Variants in HCN1 observed in about 807,000 individuals in gnomAD.
HCN1 encodes hyperpolarization activated cyclic nucleotide gated potassium channel 1.
HCN1 carries 13 observed loss-of-function variants against 78.9 expected under a neutral mutation model. The observed-to-expected ratio is 0.16, with a 90% CI of 0.11 to 0.26. HCN1 has a LOEUF of 0.26. Among genes scored for constraint, HCN1 ranks in the 10% least tolerant of loss-of-function variants. The pLI, the probability that HCN1 is intolerant of heterozygous loss-of-function variation, is 1.00. For missense variants in HCN1, 810 were observed against 1,154.3 expected (o/e 0.70, Z 4.32); for synonymous variants, 552 against 455.5 (o/e 1.21, Z -2.70).
Position 45,541,062 on chromosome 5 carries a change from A to T in HCN1, c.850-79055T>A, listed in dbSNP as rs949196174. Among the ~76,000 whole-genome samples, 7 of 152,178 alleles carry T rather than the reference A, an allele frequency of 4.6e-5. No individual in the cohort carries two copies. In the South Asian group the frequency reaches 8.3e-4, roughly 18 times the overall value. On this transcript the variant is annotated intron_variant, in intron 2 of 7. Coordinates refer to ENST00000303230, the MANE Select transcript of HCN1 (RefSeq NM_021072.4). The stretch of plus-strand genomic sequence containing the variant: ...CCACAAACTTATTTTAGCCATGCAG[A>T]AAAAAGAAAAAAAATATTAATCTAA...
chr5:45,287,155 C>T (rs1401802463), intron 6 of HCN1, among the ~76,000 whole-genome samples: 1 of 151,292 alleles, frequency 6.6e-6, no homozygotes, highest in Non-Finnish European at 1.5e-5. Context: ...GGGAAGAATT[C>T]TTATTTTCTG....
Position 45,310,412 on chromosome 5 carries a change from A to C in HCN1, c.1378-6573T>G, listed in dbSNP as rs1745826738. ...ACATGTGGCCAACAAGCATATGATA[A>C]AGAGATCAACATCACTGATCATTAA... On this transcript the variant is annotated intron_variant, in intron 5 of 7. Transcript: ENST00000303230. 2.0e-5 allele frequency among the ~76,000 whole-genome samples: 3 copies of C among 152,204 alleles called. No homozygotes were observed. The South Asian group carries it at 6.2e-4, about 31-fold the overall frequency.
chr5:45,284,413 T>G (rs1745229068), intron 6 of HCN1, among the ~76,000 whole-genome samples: 1 of 152,194 alleles, frequency 6.6e-6, no homozygotes, highest in Non-Finnish European at 1.5e-5. Flanking sequence ...TTATATAAAT[T>G]GCAGTAAAGA....
At chr5:45,285,539 T>G (rs980345359) in intron 6 of HCN1, among the ~76,000 whole-genome samples, 1 of 151,962 alleles carries the variant, frequency 6.6e-6, no homozygotes, top group Non-Finnish European at 1.5e-5. Context: ...CGCTTAAACA[T>G]TTTTTACTGT....
chr5:45,593,672 T>TTTTA (rs1744432709), intron 2 of HCN1, among the ~76,000 whole-genome samples: 1 of 85,624 alleles, frequency 1.2e-5, no homozygotes, highest in African/African-American at 3.9e-5. Flanking sequence ...TATTATTGAA[T>TTTTA]TTTATTTATT....
intron 5 of HCN1, among the ~76,000 whole-genome samples, chr5:45,334,579 T>C (rs1370931987): frequency 6.6e-6 from 1 of 151,972 alleles, no homozygotes; most frequent in South Asian, 2.1e-4. Context: ...TAGTAAGTAC[T>C]TCCTTTGAGA....
intron 6 of HCN1, among the ~76,000 whole-genome samples, chr5:45,275,632 T>C (rs778377546): frequency 8.5e-5 from 13 of 152,120 alleles, no homozygotes; most frequent in Non-Finnish European, 1.3e-4. Flanking sequence ...ATATAGAATA[T>C]ATATTTGTAC....
chr5:45,275,083 T>TA (rs1745029575), intron 6 of HCN1, among the ~76,000 whole-genome samples: 1 of 151,952 alleles, frequency 6.6e-6, no homozygotes, highest in Non-Finnish European at 1.5e-5. Context: ...CTGTCTCTAC[T>TA]AAAAATACAA....
chr5:45,377,699 T>C (rs1212997065), intron 4 of HCN1, among the ~76,000 whole-genome samples: 1 of 151,942 alleles, frequency 6.6e-6, no homozygotes, highest in Non-Finnish European at 1.5e-5. Flanking sequence ...TTATTTCCGG[T>C]TTTGTGACTG....
intron 4 of HCN1, among the ~76,000 whole-genome samples, chr5:45,389,723 T>G (rs2112033717): frequency 6.6e-6 from 1 of 152,302 alleles, no homozygotes; most frequent in African/African-American, 2.4e-5. Context: ...TCTATTAGAG[T>G]TATCTCTACC....
intron 2 of HCN1, among the ~76,000 whole-genome samples, chr5:45,482,312 T>C (rs1040575457): frequency 6.6e-6 from 1 of 152,140 alleles, no homozygotes; most frequent in African/African-American, 2.4e-5. Flanking sequence ...CAACTCACAA[T>C]ATCCACCTGT....
chr5:45,445,669 G>A (rs541347256), intron 3 of HCN1, among the ~76,000 whole-genome samples: 6 of 152,234 alleles, frequency 3.9e-5, no homozygotes, highest in East Asian at 3.9e-4. Flanking sequence ...TCACATGGCC[G>A]GGTACTCCTC....
intron 1 of HCN1, among the ~76,000 whole-genome samples, chr5:45,646,981 T>G (rs1428762746): frequency 6.6e-6 from 1 of 152,174 alleles, no homozygotes; most frequent in Non-Finnish European, 1.5e-5. Context: ...TGAGCTACAT[T>G]TTGGTGAGGT....
At chr5:45,485,898 G>A (rs529183960) in intron 2 of HCN1, among the ~76,000 whole-genome samples, 20 of 152,268 alleles carry the variant, frequency 1.3e-4, no homozygotes, top group South Asian at 4.1e-4. Context: ...CTCCTACATG[G>A]AGATTAGTTA....
intron 6 of HCN1, among the ~76,000 whole-genome samples, chr5:45,295,504 C>T (rs1204114710): frequency 6.6e-6 from 1 of 151,944 alleles, no homozygotes. Flanking sequence ...GTGCATGAGT[C>T]ACATGCCTCA....
intron 4 of HCN1, among the ~76,000 whole-genome samples, chr5:45,372,072 T>TATATAATTA (rs1561127858): frequency 2.1e-5 from 1 of 47,628 alleles, no homozygotes; most frequent in African/African-American, 1.3e-4. Flanking sequence ...ATATTATATA[T>TATATAATTA]TATATATAAT....
intron 2 of HCN1, among the ~76,000 whole-genome samples, chr5:45,523,344 C>T (rs1161633162): frequency 2.0e-5 from 3 of 151,418 alleles, no homozygotes; most frequent in East Asian, 1.9e-4. Context: ...TTTATAGCAG[C>T]ATGATTTATA....
chr5:45,403,694 C>G (rs1009936803), intron 3 of HCN1, among the ~76,000 whole-genome samples: 1 of 152,000 alleles, frequency 6.6e-6, no homozygotes, highest in Non-Finnish European at 1.5e-5. Context: ...GGGACACAGC[C>G]AAACCATATC....
intron 2 of HCN1, among the ~76,000 whole-genome samples, chr5:45,578,860 T>G (rs547985794): frequency 2.7e-4 from 41 of 152,106 alleles, no homozygotes; most frequent in Middle Eastern, 3.4e-3. Context: ...TTCTCAGACT[T>G]GAGGAAATAT....
Sources: gnomAD v4.1 joint callset for allele counts (sites outside exome capture counted in the v4.1 genomes callset) on GRCh38, gnomAD v4.1.1 for gene constraint, MANE v1.5 for transcripts, NCBI Gene and HGNC (gene_info 2026-07-23, HGNC 2026-07-21) for gene names.